PSME4: variants seen among roughly 807,000 people sequenced by gnomAD.
PSME4 encodes proteasome activator subunit 4, also known as proteasome activator complex subunit 4.
Under a neutral mutation model 253.9 loss-of-function variants are expected in PSME4, and 89 were observed. The observed-to-expected ratio is 0.35, with a 90% CI of 0.30 to 0.42. The LOEUF (loss-of-function observed/expected upper bound fraction) is 0.42, where lower values mean the gene tolerates loss of function less well. PSME4 is among the 10% of genes least tolerant of loss of function. The pLI is 1.00. For missense variants in PSME4, 2,014 were observed against 2,195.2 expected (o/e 0.92, Z 1.65); for synonymous variants, 851 against 759.2 (o/e 1.12, Z -1.99).
intron 3 of PSME4, among the ~76,000 whole-genome samples, chr2:53,942,710 T>C (rs549847645): frequency 6.6e-6 from 1 of 152,324 alleles, no homozygotes; most frequent in South Asian, 2.1e-4. Context: ...TACTTAGCCA[T>C]AATAAATTGT....
intron 45 of PSME4, 70 bp from the exon 46 acceptor site, chr2:53,866,293 A>C: frequency 3.3e-6 from 5 of 1,521,946 alleles, no homozygotes; most frequent in Non-Finnish European, 4.5e-6. Flanking sequence ...GGATACTTTT[A>C]GTTAAATTAC....
intron 3 of PSME4, among the ~76,000 whole-genome samples, chr2:53,945,235 C>T (rs375920920): frequency 1.1e-4 from 16 of 152,300 alleles, no homozygotes; most frequent in African/African-American, 3.8e-4. Context: ...TTGCAATATG[C>T]TACTCAAAGT....
Position 53,893,802 on chromosome 2 carries a change from AT to A in PSME4, c.3913-4del, listed in dbSNP as rs1199204645. On this transcript the variant is annotated splice_region_variant and splice_polypyrimidine_tract_variant and intron_variant, in intron 34 of 46. Coordinates refer to ENST00000404125, the MANE Select transcript of PSME4 (RefSeq NM_014614.3). ...TGATCAAATATAATCTGTTCTGCCT[AT>A]AAAGTTAAAAAAAGAACAATATTCA... The A allele has an allele frequency of 1.7e-5, 27 of 1,583,702 alleles. No individual in the cohort carries two copies. The highest frequency in any genetic ancestry group is 2.3e-5 in the Non-Finnish European group (27 of 1,170,220).
intron 24 of PSME4, chr2:53,907,839 T>C (rs150284814): frequency 6.5e-6 from 1 of 153,142 alleles, no homozygotes; most frequent in Non-Finnish European, 1.5e-5. Flanking sequence ...TTAGACTCAA[T>C]TTCAGTAAAA....
At chr2:53,956,030 T>TC in intron 1 of PSME4, among the ~76,000 whole-genome samples, 1 of 151,244 alleles carries the variant, frequency 6.6e-6, no homozygotes, top group South Asian at 2.1e-4. Context: ...TTTGAGAGAC[T>TC]GAGACAGGCA....
rs746424644 is a variant in PSME4, at chr2:53,897,891, A to G, written c.3585T>C (p.His1195=). The change falls in exon 31 of 47, where the codon CAT becomes CAC. Residue 1195 remains histidine (H), a synonymous_variant. Transcript: ENST00000404125. Reference sequence around the variant, plus strand: ...GTACCTTTCGAACTACAATTGCATCATGGTTGAGATTCTCAACAAAAAACC... The same window carrying G: ...GTACCTTTCGAACTACAATTGCATCGTGGTTGAGATTCTCAACAAAAAACC... ...AIRFFVENLN[H]DAIVVRKMAI... 14 of 1,613,610 alleles carry G rather than the reference A, an allele frequency of 8.7e-6. No homozygotes were observed. Among genetic ancestry groups the G allele is most frequent in the South Asian group, 5.5e-5 (5 of 91,078 alleles).
intron 3 of PSME4, among the ~76,000 whole-genome samples, chr2:53,940,856 T>TATATAATACATATTTAA (rs1669359851): frequency 7.0e-6 from 1 of 143,570 alleles, no homozygotes; most frequent in Non-Finnish European, 1.5e-5. Context: ...AAAATTTATA[T>TATATAATACATATTTAA]ATATATAATA....
chr2:53,940,006 G>A lies in PSME4; in HGVS notation c.501-6C>T. 3 of 1,568,902 alleles carry A rather than the reference G, an allele frequency of 1.9e-6. No homozygotes were observed. Among genetic ancestry groups the A allele is most frequent in the Non-Finnish European group, 2.6e-6 (3 of 1,148,264 alleles). ...TGAGAATATTTTCTACAGAACTGGG[G>A]GGGGAAAGCCATTTGATAATTAGAT... On this transcript the variant is annotated splice_region_variant and splice_polypyrimidine_tract_variant and intron_variant, in intron 3 of 46. Transcript: ENST00000404125.
chr2:53,970,458 G>C (rs1671012602), intron 1 of PSME4, 85 bp downstream of exon 1: 16 of 1,537,302 alleles, frequency 1.0e-5, no homozygotes, highest in Middle Eastern at 2.3e-4. Context: ...TAAGGGTCCA[G>C]CCCTCTGGAC....
chr2:53,889,804 AG>A (rs1268676298), intron 37 of PSME4, among the ~76,000 whole-genome samples: 1 of 152,218 alleles, frequency 6.6e-6, no homozygotes, highest in African/African-American at 2.4e-5. Context: ...GCATTACCAC[AG>A]CAGAGAAGAT....
intron 1 of PSME4, 37 bp downstream of exon 1, chr2:53,970,506 T>C: frequency 1.3e-6 from 2 of 1,547,240 alleles, no homozygotes. Flanking sequence ...ACTGAGCCTT[T>C]CCCCCCGGCC....
At chr2:53,968,065 G>A (rs1392292074) in intron 1 of PSME4, among the ~76,000 whole-genome samples, 1 of 152,058 alleles carries the variant, frequency 6.6e-6, no homozygotes, top group Non-Finnish European at 1.5e-5. Flanking sequence ...TTGAGGTCAG[G>A]AGTTCAAGAC....
intron 14 of PSME4, 51 bp from the exon 15 acceptor site, chr2:53,923,470 T>A (rs554538734): frequency 6.6e-7 from 1 of 1,509,598 alleles, no homozygotes; most frequent in East Asian, 2.4e-5. Context: ...AAATTAAACA[T>A]CTTACAGAAC....
At chr2:53,970,457 A>G (rs1300696849) in intron 1 of PSME4, 86 bp downstream of exon 1, 31 of 1,537,154 alleles carry the variant, frequency 2.0e-5, no homozygotes, top group Non-Finnish European at 1.2e-5. Context: ...CTAAGGGTCC[A>G]GCCCTCTGGA....
chr2:53,969,473 C>T (rs898522306), intron 1 of PSME4, among the ~76,000 whole-genome samples: 4 of 152,164 alleles, frequency 2.6e-5, no homozygotes, highest in African/African-American at 9.7e-5. Context: ...TCAGTTCAAT[C>T]AGCAGCTTTG....
At chr2:53,947,337 G>C (rs1669759647) in intron 3 of PSME4, among the ~76,000 whole-genome samples, 1 of 152,202 alleles carries the variant, frequency 6.6e-6, no homozygotes, top group South Asian at 2.1e-4. Flanking sequence ...GAAAACTGCA[G>C]AAGTCTTTAA....
At chr2:53,917,470 C>G (rs1668112764) in intron 20 of PSME4, among the ~76,000 whole-genome samples, 1 of 152,116 alleles carries the variant, frequency 6.6e-6, no homozygotes, top group Non-Finnish European at 1.5e-5. Flanking sequence ...CTTCAATTCA[C>G]TATTACAGTG....
At chr2:53,913,444 G>T (rs780968331) in intron 20 of PSME4, among the ~76,000 whole-genome samples, 4 of 152,150 alleles carry the variant, frequency 2.6e-5, no homozygotes, top group Non-Finnish European at 4.4e-5. Context: ...AAGGCTGGGC[G>T]AATTGTCATG....
At chr2:53,950,921 G>A (rs1359076284) in intron 1 of PSME4, among the ~76,000 whole-genome samples, 1 of 151,484 alleles carries the variant, frequency 6.6e-6, no homozygotes, top group Non-Finnish European at 1.5e-5. Flanking sequence ...GAATTCAGAA[G>A]TAACTGATCC....
Sources: allele counts gnomAD v4.1 joint callset (sites outside exome capture counted in the v4.1 genomes callset), GRCh38; gene constraint gnomAD v4.1.1; transcripts MANE v1.5; gene names NCBI Gene and HGNC (gene_info 2026-07-23, HGNC 2026-07-21).